PREX1: variants seen among roughly 807,000 people sequenced by gnomAD.
The protein encoded by PREX1 is phosphatidylinositol 3,4,5-trisphosphate-dependent Rac exchanger 1 protein.
In PREX1, 41 loss-of-function variants were observed where a neutral mutation model predicts 198.3. The observed-to-expected ratio is 0.21, with a 90% CI of 0.16 to 0.27. The LOEUF (loss-of-function observed/expected upper bound fraction) is 0.27, where lower values mean the gene tolerates loss of function less well. Among genes scored for constraint, PREX1 ranks in the 10% least tolerant of loss-of-function variants. PREX1 has a pLI of 1.00. For missense variants in PREX1, 1,620 were observed against 2,200.7 expected, an observed-to-expected ratio of 0.74 and a Z score of 5.28; for synonymous variants, 843 against 887.2, an observed-to-expected ratio of 0.95 and a Z score of 0.89.
At chr20:48,739,639 C>T (rs6095271) in intron 3 of PREX1, among the ~76,000 whole-genome samples, 3 of 152,144 alleles carry the variant, frequency 2.0e-5, no homozygotes, top group Admixed American at 6.5e-5. Flanking sequence ...CGTGGCAGCA[C>T]GGAGCAAGTC....
Position 48,757,230 on chromosome 20 carries a change from C to T in PREX1, c.220-9350G>A, listed in dbSNP as rs2090159455. 2.6e-5 allele frequency among the ~76,000 whole-genome samples: 4 copies of T among 152,216 alleles called. No individual in the cohort carries two copies. The South Asian group carries it at 8.3e-4, about 32-fold the overall frequency. On this transcript the variant is annotated intron_variant, in intron 1 of 39. Transcript: ENST00000371941. Reference sequence around the variant, plus strand: ...ACACTGTATCTCATCCTCCTCCATCCCCCACAGCACTGCCCTCCACCTGCA... The same window carrying T: ...ACACTGTATCTCATCCTCCTCCATCTCCCACAGCACTGCCCTCCACCTGCA...
chr20:48,766,232 A>T (rs1386681026), intron 1 of PREX1, among the ~76,000 whole-genome samples: 1 of 151,794 alleles, frequency 6.6e-6, no homozygotes. Context: ...TCCCTTCCCC[A>T]CCCCTAGGTC....
chr20:48,679,538 G>A (rs980376540), intron 12 of PREX1, 113 bp downstream of exon 12: 3 of 1,373,462 alleles, frequency 2.2e-6, no homozygotes, highest in Non-Finnish European at 3.1e-6. Flanking sequence ...GGTGAGTTGT[G>A]GGCAGTGGAG....
intron 5 of PREX1, among the ~76,000 whole-genome samples, chr20:48,710,753 C>T (rs947686384): frequency 6.6e-6 from 1 of 152,236 alleles, no homozygotes; most frequent in Non-Finnish European, 1.5e-5. Context: ...GACAGGCTTG[C>T]GAGCGAAGCT....
At chr20:48,654,050 G>C (rs1452123013) in intron 19 of PREX1, among the ~76,000 whole-genome samples, 1 of 152,222 alleles carries the variant, frequency 6.6e-6, no homozygotes, top group African/African-American at 2.4e-5. Flanking sequence ...GGCAATACCA[G>C]GCCTGAATGG....
Position 48,629,596 on chromosome 20 carries a change from T to G in PREX1, c.4619A>C (p.Asp1540Ala). 6.2e-7 allele frequency: 1 copy of G among 1,614,034 alleles called. No individual in the cohort carries two copies. Among genetic ancestry groups the G allele is most frequent in the African/African-American group, 1.3e-5 (1 of 75,028 alleles). Residue 1540 changes from aspartate (D) to alanine (A), a missense_variant, in exon 37 of 40, where the codon GAT becomes GCT. Physicochemically the swap from Asp to Ala is moderately radical, Grantham distance 126. Around this residue, in one of 7 missense-constraint regions of PREX1, gnomAD observed 476 missense variants for 603.4 expected, o/e 0.79. Coordinates refer to ENST00000371941, the MANE Select transcript of PREX1 (RefSeq NM_020820.4). ...DQLIRPINAL[D>A]ELCRLMKSFV... Reference sequence around the variant, plus strand: ...GGACTTCATGAGGCGGCAGAGCTCATCCAGGGCATTGATGGGGCGGATCAG... The same window carrying G: ...GGACTTCATGAGGCGGCAGAGCTCAGCCAGGGCATTGATGGGGCGGATCAG...
Position 48,657,153 on chromosome 20 carries a change from G to A in PREX1, c.2010C>T (p.Ser670=). 6.2e-7 allele frequency: 1 copy of A among 1,613,560 alleles called. No homozygotes were observed. The highest frequency in any genetic ancestry group is 8.5e-7 in the Non-Finnish European group (1 of 1,179,784). The change falls in exon 18 of 40, where the codon TCC becomes TCT. Residue 670 remains serine, a synonymous_variant. Coordinates refer to ENST00000371941, the MANE Select transcript of PREX1 (RefSeq NM_020820.4). ...AGLQVGRKIY[S]INEDLVFLRP... ...GCAGGAACACCAGGTCCTCATTGAT[G>A]GAGTAGATCTTCCTCCCCACCTGCA...
At chr20:48,838,986 T>A in the PREX1 span, among the ~76,000 whole-genome samples, 1 of 112,982 alleles carries the variant, frequency 8.9e-6, no homozygotes, top group South Asian at 3.0e-4. Context: ...AGATCGTGAC[T>A]CTGTCTCAAA....
intron 1 of PREX1, among the ~76,000 whole-genome samples, chr20:48,824,209 T>C (rs2090499461): frequency 6.6e-6 from 1 of 152,134 alleles, no homozygotes; most frequent in African/African-American, 2.4e-5. Flanking sequence ...TTTTCATGAT[T>C]ATTTAATAAA....
chr20:48,657,410 G>A (rs150066311), intron 17 of PREX1, among the ~76,000 whole-genome samples: 59 of 152,340 alleles, frequency 3.9e-4, no homozygotes, highest in African/African-American at 1.4e-3. Context: ...AGCTGGGAAA[G>A]GTATTCCTCC....
chr20:48,693,648 C>T (rs2089830864), intron 7 of PREX1, among the ~76,000 whole-genome samples: 1 of 152,116 alleles, frequency 6.6e-6, no homozygotes, highest in South Asian at 2.1e-4. Context: ...ACTCTGTCGC[C>T]CAGGCTGGAG....
chr20:48,708,714 G>A (rs1479126070), intron 5 of PREX1, among the ~76,000 whole-genome samples: 2 of 152,162 alleles, frequency 1.3e-5, no homozygotes, highest in African/African-American at 4.8e-5. Context: ...CCTGGACAGA[G>A]CAAGAGAGAG....
At position 48,662,589 on chromosome 20, in the gene PREX1, G is replaced by A. The variant is rs567465677; in HGVS notation, c.1739-2528C>T. Among the ~76,000 whole-genome samples, 325 of 152,312 alleles carry A rather than the reference G, an allele frequency of 2.1e-3. 2 individuals carry two copies. The highest frequency in any genetic ancestry group is 7.5e-3 in the African/African-American group (311 of 41,564). On this transcript the variant is annotated intron_variant, in intron 15 of 39. Coordinates refer to ENST00000371941, the MANE Select transcript of PREX1 (RefSeq NM_020820.4). ...CCCCATATGTGCCTAAAGCAAGAGG[G>A]CCGGACCCCTGGTCAGCCCTAAGGT...
At chr20:48,660,705 A>C (rs1007790126) in intron 15 of PREX1, among the ~76,000 whole-genome samples, 1 of 152,244 alleles carries the variant, frequency 6.6e-6, no homozygotes, top group African/African-American at 2.4e-5. Context: ...GCAGATGTGA[A>C]GGTAACTATA....
At chr20:48,698,194 G>A (rs2089856496) in intron 7 of PREX1, among the ~76,000 whole-genome samples, 1 of 152,162 alleles carries the variant, frequency 6.6e-6, no homozygotes, top group Admixed American at 6.5e-5. Context: ...AAAGAGCTCA[G>A]GGTGCCCACA....
chr20:48,865,655 T>C, the PREX1 span, among the ~76,000 whole-genome samples: 1 of 152,224 alleles, frequency 6.6e-6, no homozygotes, highest in Non-Finnish European at 1.5e-5. Flanking sequence ...CCTCCCTTGC[T>C]GTGCAATGAA....
In PREX1 at chr20:48,636,613, G is replaced by A. The variant is rs138468239; in HGVS notation, c.4017C>T (p.Ser1339=). The A allele has an allele frequency of 1.4e-3, 2,258 of 1,611,592 alleles. 3 individuals carry two copies. Among genetic ancestry groups the A allele is most frequent in the Non-Finnish European group, 1.7e-3 (2,038 of 1,179,526 alleles). The change falls in exon 32 of 40, where the codon TCC becomes TCT. Residue 1339 remains serine (S), a synonymous_variant. Transcript: ENST00000371941. ...QALVAAVCTF[S]KQLLAALGYR... ...AGCCCAGGGCCGCCAGCAGCTGCTT[G>A]GAGAAGGTGCACACGGCGGCCACCA...
chr20:48,852,150 T>C, the PREX1 span, among the ~76,000 whole-genome samples: 1 of 152,060 alleles, frequency 6.6e-6, no homozygotes, highest in African/African-American at 2.4e-5. Context: ...TTGCCATTCC[T>C]GGATGGAGAG....
Position 48,752,403 on chromosome 20 carries a change from T to C in PREX1, c.220-4523A>G, listed in dbSNP as rs535587554. 1.7e-3 allele frequency among the ~76,000 whole-genome samples: 254 copies of C among 152,352 alleles called. 1 individual carries two copies. The highest frequency in any genetic ancestry group is 3.0e-3 in the Non-Finnish European group (204 of 68,034). On this transcript the variant is annotated intron_variant, in intron 1 of 39. Transcript: ENST00000371941. The stretch of plus-strand genomic sequence containing the variant: ...TCTTCCACATTTACCCATGTTGATA[T>C]GTACACTGGGCAACATCTGCTATCC...
Sources: allele counts gnomAD v4.1 joint callset (sites outside exome capture counted in the v4.1 genomes callset), GRCh38; gene constraint gnomAD v4.1.1; regional missense constraint gnomAD v4.1.1; transcripts MANE v1.5; gene names NCBI Gene and HGNC (gene_info 2026-07-23, HGNC 2026-07-21).